PREX2: variants seen among roughly 807,000 people sequenced by gnomAD.
PREX2 encodes the protein phosphatidylinositol 3,4,5-trisphosphate-dependent Rac exchanger 2 protein.
In PREX2, 107 loss-of-function variants were observed where a neutral mutation model predicts 203.2. That is an observed-to-expected ratio of 0.53 (90% CI 0.45 to 0.62). The LOEUF is 0.62. Ranked by LOEUF, PREX2 falls within the 20% of genes least tolerant of loss-of-function variation. The pLI is 0.00. For synonymous variants in PREX2, 672 were observed against 663.6 expected, an observed-to-expected ratio of 1.01 and a Z score of -0.19; for missense variants, 1,777 against 1,955.9, an observed-to-expected ratio of 0.91 and a Z score of 1.72.
At chr8:68,014,743 A>C (rs1172491807) in intron 1 of PREX2, among the ~76,000 whole-genome samples, 1 of 152,186 alleles carries the variant, frequency 6.6e-6, no homozygotes, top group African/African-American at 2.4e-5. Context: ...TATTTCTCAA[A>C]GTCTGCTTTT....
intron 37 of PREX2, among the ~76,000 whole-genome samples, chr8:68,200,504 T>A (rs1428125609): frequency 6.6e-6 from 1 of 152,100 alleles, no homozygotes; most frequent in Non-Finnish European, 1.5e-5. Flanking sequence ...AATCAAATAT[T>A]GTAAATATGA....
intron 35 of PREX2, among the ~76,000 whole-genome samples, chr8:68,182,790 T>G (rs1234166600): frequency 2.0e-5 from 3 of 151,170 alleles, no homozygotes; most frequent in Non-Finnish European, 4.4e-5. Context: ...CCACTGAGAG[T>G]GCATAATTTA....
chr8:68,024,047 C>T (rs1807644402), intron 4 of PREX2, among the ~76,000 whole-genome samples: 1 of 151,976 alleles, frequency 6.6e-6, no homozygotes, highest in Admixed American at 6.6e-5. Flanking sequence ...TGTTTCTGAT[C>T]TCAGTAGGAA....
At chr8:68,190,147 GATA>G (rs1812263918) in intron 35 of PREX2, among the ~76,000 whole-genome samples, 1 of 152,166 alleles carries the variant, frequency 6.6e-6, no homozygotes. Flanking sequence ...CTGTGAATTT[GATA>G]ATAATTTACC....
chr8:68,171,676 GC>G (rs1165746785), intron 35 of PREX2, among the ~76,000 whole-genome samples: 2 of 152,050 alleles, frequency 1.3e-5, no homozygotes, highest in African/African-American at 4.8e-5. Flanking sequence ...TCTTCCCTGA[GC>G]CCTCAGCTGT....
At chr8:68,197,471 C>T (rs932973929) in intron 37 of PREX2, among the ~76,000 whole-genome samples, 3 of 152,064 alleles carry the variant, frequency 2.0e-5, no homozygotes, top group Non-Finnish European at 2.9e-5. Flanking sequence ...AAGCCCTCCC[C>T]AGCAATGTGG....
chr8:68,150,312 C>G (rs1811409768), intron 34 of PREX2, among the ~76,000 whole-genome samples: 1 of 152,092 alleles, frequency 6.6e-6, no homozygotes, highest in Non-Finnish European at 1.5e-5. Context: ...CGCTATAGCC[C>G]TTGCAGCCCC....
intron 13 of PREX2, 143 bp from the exon 14 acceptor site, chr8:68,072,352 G>C (rs558649372): frequency 5.7e-6 from 3 of 522,902 alleles, no homozygotes; most frequent in Admixed American, 3.7e-5. Flanking sequence ...TTATTTGCAT[G>C]TAATTTGGGC....
intron 37 of PREX2, among the ~76,000 whole-genome samples, chr8:68,201,284 AGAGAGCAG>A (rs1443118605): frequency 1.3e-5 from 2 of 152,130 alleles, no homozygotes; most frequent in South Asian, 2.1e-4. Flanking sequence ...TTGCATGTTA[AGAGAGCAG>A]GAGAGCAGGT....
At chr8:68,102,357 C>T (rs1163578618) in intron 23 of PREX2, among the ~76,000 whole-genome samples, 3 of 152,168 alleles carry the variant, frequency 2.0e-5, no homozygotes, top group Admixed American at 1.3e-4. Flanking sequence ...TAAAAGCTCT[C>T]CTTGTCATCA....
At chr8:67,989,750 A>G (rs2129609439) in intron 1 of PREX2, among the ~76,000 whole-genome samples, 1 of 152,330 alleles carries the variant, frequency 6.6e-6, no homozygotes, top group East Asian at 1.9e-4. Flanking sequence ...ACTCAAAATT[A>G]TCCTCTAGGC....
At chr8:68,089,714 G>A (rs1353598635) in intron 19 of PREX2, among the ~76,000 whole-genome samples, 1 of 152,200 alleles carries the variant, frequency 6.6e-6, no homozygotes, top group Non-Finnish European at 1.5e-5. Flanking sequence ...ATTCTTGAAT[G>A]TAAATTATTT....
chr8:68,081,075 T>TA (rs1460059478), intron 17 of PREX2, among the ~76,000 whole-genome samples: 2 of 152,142 alleles, frequency 1.3e-5, no homozygotes, highest in Non-Finnish European at 2.9e-5. Context: ...GGGTATTCTA[T>TA]AGCAGCCGTC....
rs576366610 is a variant in PREX2 at position 68,215,944 on chromosome 8, C to T, written c.4605-1672C>T. Among the ~76,000 whole-genome samples the T allele has an allele frequency of 6.0e-4, 91 of 152,242 alleles. 1 individual carries two copies. The highest frequency in any genetic ancestry group is 1.7e-3 in the South Asian group (8 of 4,818). On this transcript the variant is annotated intron_variant, in intron 37 of 39. Coordinates refer to ENST00000288368, the MANE Select transcript of PREX2 (RefSeq NM_024870.4). ...CATGTAAGACAATATGCATTGTTAT[C>T]GGACTCACACACTAAAAGTTTGTGA...
intron 38 of PREX2, chr8:68,223,215 A>G (rs139311832): frequency 2.0e-5 from 3 of 152,360 alleles, no homozygotes; most frequent in African/African-American, 7.2e-5. Flanking sequence ...GGGAAGCCAC[A>G]TGGAGTATGT....
Position 68,087,678 on chromosome 8 carries a change from T to C in PREX2, c.2028-46T>C, listed in dbSNP as rs776680907. On this transcript the variant is annotated intron_variant, in intron 18 of 39. Transcript: ENST00000288368. ...TGTACACGACGATTATTTCAACCAG[T>C]TTTGATTCTTACGCTTCATCTTACC... The C allele has an allele frequency of 3.2e-5, 43 of 1,353,128 alleles. No homozygotes were observed. The East Asian group carries it at 9.4e-4, about 30-fold the overall frequency. 83.8% of individuals were successfully genotyped at this position (1,353,128 alleles called of 1,614,324 possible). A position where few individuals can be genotyped will look rare whatever the true frequency, so the allele number is the denominator to read the frequency against.
At chr8:67,984,916 C>G (rs1806372762) in intron 1 of PREX2, among the ~76,000 whole-genome samples, 1 of 152,080 alleles carries the variant, frequency 6.6e-6, no homozygotes, top group Admixed American at 6.5e-5. Flanking sequence ...ACCACCTCCC[C>G]TTTCCTTGGC....
intron 1 of PREX2, among the ~76,000 whole-genome samples, chr8:67,960,589 A>G (rs1297585670): frequency 6.6e-6 from 1 of 152,066 alleles, no homozygotes; most frequent in Non-Finnish European, 1.5e-5. Flanking sequence ...CCAGGGAGGG[A>G]TGGCTTTCCT....
rs572649148 is a variant in PREX2, at chr8:68,042,748, G to T, written c.840-1739G>T. On this transcript the variant is annotated intron_variant, in intron 7 of 39. Coordinates refer to ENST00000288368, the MANE Select transcript of PREX2 (RefSeq NM_024870.4). ...GCTTTTCAGTCTTTAAGCTTCAGTA[G>T]AGTCATTTTCTGAAGAGATCAAAAT... Among the ~76,000 whole-genome samples, 7 of 152,134 alleles carry T rather than the reference G, an allele frequency of 4.6e-5. No individual in the cohort carries two copies. The South Asian group carries it at 1.5e-3, about 32-fold the overall frequency.
Sources: allele counts gnomAD v4.1 joint callset (sites outside exome capture counted in the v4.1 genomes callset), GRCh38; gene constraint gnomAD v4.1.1; transcripts MANE v1.5; gene names NCBI Gene and HGNC (gene_info 2026-07-23, HGNC 2026-07-21).